The following MLYCD variants were observed in gnomAD, a reference collection of about 807,000 sequenced individuals.
The protein encoded by MLYCD is malonyl-CoA decarboxylase, mitochondrial.
A neutral mutation model predicts 35.8 loss-of-function variants in MLYCD; 27 were observed. The observed-to-expected ratio is 0.75, with a 90% CI of 0.56 to 1.04. The LOEUF is 1.04. Among genes scored for constraint, MLYCD ranks in the 50% least tolerant of loss-of-function variants. The pLI is 0.00. For synonymous variants in MLYCD, 403 were observed against 302.4 expected (o/e 1.33, Z -3.45); for missense variants, 917 against 665.1 (o/e 1.38, Z -4.17).
chr16:83,919,692 C>CAGAACACACGGGGCACAGG lies in MLYCD; in HGVS notation c.*4213_*4231dup, dbSNP rs1408093297. The CAGAACACACGGGGCACAGG allele has an allele frequency of 1.3e-5, 2 of 148,894 alleles. No homozygotes were observed. The highest frequency in any genetic ancestry group is 2.9e-5 in the Non-Finnish European group (2 of 68,018). 9.2% of individuals were successfully genotyped at this position (148,894 alleles called of 1,614,324 possible). A position where few individuals can be genotyped will look rare whatever the true frequency, so the allele number is the denominator to read the frequency against. The stretch of plus-strand genomic sequence containing the variant: ...GGTTCACAGGAGAACACACAGTGCA[C>CAGAACACACGGGGCACAGG]AGAACACACGGGGCACAGGAGAACA... On this transcript the variant is annotated 3_prime_UTR_variant, in exon 5 of 5. Coordinates refer to ENST00000262430, the MANE Select transcript of MLYCD (RefSeq NM_012213.3).
chr16:83,915,240 C>A lies in MLYCD; in HGVS notation c.1233C>A (p.His411Gln). 1 of 1,613,268 alleles carries A rather than the reference C, an allele frequency of 6.2e-7. No homozygotes were observed. The highest frequency in any genetic ancestry group is 8.5e-7 in the Non-Finnish European group (1 of 1,179,278). Reference sequence around the variant, plus strand: ...CCTGGTACCTGTATGGAGAGAAGCACCGCGGCTACGCGCTGAACCCCGTGG... The same window carrying A: ...CCTGGTACCTGTATGGAGAGAAGCAACGCGGCTACGCGCTGAACCCCGTGG... ...LCAWYLYGEKHRGYALNPVAN... is the reference protein window; with the variant it reads ...LCAWYLYGEKQRGYALNPVAN... Residue 411 changes from histidine to glutamine, a missense_variant, in exon 5 of 5, where the codon CAC (histidine) becomes CAA (glutamine). By Grantham distance (24) the His-to-Gln change is conservative. Coordinates refer to ENST00000262430, the MANE Select transcript of MLYCD (RefSeq NM_012213.3).
chr16:83,917,832 G>T lies in MLYCD; in HGVS notation c.*2343G>T, dbSNP rs778576940. ...TGCCATGGACAGATCACCCATTCTC[G>T]ATCACTCCGGCAGCCTTTCGGATCC... On this transcript the variant is annotated 3_prime_UTR_variant, in exon 5 of 5. Transcript: ENST00000262430. 2.6e-5 allele frequency: 4 copies of T among 152,226 alleles called. No homozygotes were observed. Among genetic ancestry groups the T allele is most frequent in the Non-Finnish European group, 5.9e-5 (4 of 68,054 alleles). 9.4% of individuals were successfully genotyped at this position (152,226 alleles called of 1,614,324 possible).
rs1907207284 is a variant in MLYCD, at chr16:83,912,284, T to C, written c.865T>C (p.Tyr289His). ...GAACAAAATCACTGCTGCGATCTTT[T>C]ATTCCATCAGCTTGACCCAGCAGGG... is the stretch of plus-strand genomic sequence containing the variant. The part of the protein sequence containing the change: ...EKNKITAAIF[Y>H]SISLTQQGLQ... The change falls in exon 4 of 5, where the codon TAT becomes CAT. Residue 289 changes from tyrosine to histidine, a missense_variant. Tyr to His is a moderately conservative substitution (Grantham distance 83). Coordinates refer to ENST00000262430, the MANE Select transcript of MLYCD (RefSeq NM_012213.3). 6.2e-7 allele frequency: 1 copy of C among 1,614,086 alleles called. No homozygotes were observed. The highest frequency in any genetic ancestry group is 8.5e-7 in the Non-Finnish European group (1 of 1,180,038).
rs1222338384 is a variant in MLYCD, at chr16:83,908,162, C to T, written c.678C>T (p.Asp226=). Residue 226 remains aspartate, a synonymous_variant, in exon 3 of 5, where the codon GAC becomes GAT. Transcript: ENST00000262430. ...TGCATCCTGTAAAAAACTGGATGGACATGAAGCGCCGCGTTGGGCCCTACA... is the reference window on the plus strand; with the variant it reads ...TGCATCCTGTAAAAAACTGGATGGATATGAAGCGCCGCGTTGGGCCCTACA... The part of the protein sequence containing the change: ...EAVHPVKNWM[D]MKRRVGPYRR... 3 of 1,614,224 alleles carry T rather than the reference C, an allele frequency of 1.9e-6. No individual in the cohort carries two copies. The highest frequency in any genetic ancestry group is 2.5e-6 in the Non-Finnish European group (3 of 1,180,036).
In MLYCD at chr16:83,920,333, C is replaced by G. The variant is rs1907610006; in HGVS notation, c.*4844C>G. ...CTTTTTGGGCAGCTAGCAGCTTTGA[C>G]TAGCAGCTCATCTCACCAGGCTGAG... is the stretch of plus-strand genomic sequence containing the variant. On this transcript the variant is annotated 3_prime_UTR_variant, in exon 5 of 5. Transcript: ENST00000262430. The G allele has an allele frequency of 6.6e-6, 1 of 152,228 alleles. No individual in the cohort carries two copies. Among genetic ancestry groups the G allele is most frequent in the Non-Finnish European group, 1.5e-5 (1 of 68,040 alleles). The allele number at this position is 152,228 out of a possible 1,614,324, so 9.4% of individuals were successfully genotyped here.
At chr16:83,906,241 A>T (rs1290626014) in intron 1 of MLYCD, among the ~76,000 whole-genome samples, 1 of 151,750 alleles carries the variant, frequency 6.6e-6, no homozygotes, top group Non-Finnish European at 1.5e-5. Context: ...ACAAAAAAAA[A>T]TTATCCAGGC....
intron 3 of MLYCD, among the ~76,000 whole-genome samples, chr16:83,910,042 C>G (rs1458738433): frequency 1.3e-5 from 2 of 152,114 alleles, no homozygotes; most frequent in African/African-American, 4.8e-5. Context: ...CAGCTCGCAT[C>G]CTGACTCTAA....
chr16:83,908,063 G>T (rs959725123), intron 2 of MLYCD, 63 bp from the exon 3 acceptor site: 10 of 1,592,112 alleles, frequency 6.3e-6, no homozygotes, highest in Non-Finnish European at 8.6e-6. Context: ...GTATGAATAG[G>T]AGTCAGCAGC....
rs1907679009 is a variant in MLYCD at position 83,922,236 on chromosome 16, C to T, written c.*6747C>T. ...TTCCGGAGCCCGCGTCCCGTCCCAT[C>T]TCAGGAGCTACTCTGCTCCATTCCC... is the stretch of plus-strand genomic sequence containing the variant. On this transcript the variant is annotated 3_prime_UTR_variant, in exon 5 of 5. Coordinates refer to ENST00000262430, the MANE Select transcript of MLYCD (RefSeq NM_012213.3). 1 of 152,132 alleles carries T rather than the reference C, an allele frequency of 6.6e-6. No individual in the cohort carries two copies. 9.4% of individuals were successfully genotyped at this position (152,132 alleles called of 1,614,324 possible).
In MLYCD at chr16:83,922,473, C is replaced by G. The variant is rs374567768; in HGVS notation, c.*6984C>G. The G allele has an allele frequency of 2.6e-5, 4 of 152,286 alleles. No homozygotes were observed. Among genetic ancestry groups the G allele is most frequent in the African/African-American group, 7.2e-5 (3 of 41,462 alleles). 9.4% of individuals were successfully genotyped at this position (152,286 alleles called of 1,614,324 possible). A position where few individuals can be genotyped will look rare whatever the true frequency, so the allele number is the denominator to read the frequency against. ...ATGGGCTCCTTTTTCTTCTGAAATGCAGCGTGAGGCACCATGGAGGGAGCT... is the reference window on the plus strand; with the variant it reads ...ATGGGCTCCTTTTTCTTCTGAAATGGAGCGTGAGGCACCATGGAGGGAGCT... On this transcript the variant is annotated 3_prime_UTR_variant, in exon 5 of 5. Coordinates refer to ENST00000262430, the MANE Select transcript of MLYCD (RefSeq NM_012213.3).
intron 1 of MLYCD, among the ~76,000 whole-genome samples, chr16:83,900,724 G>A (rs1441426680): frequency 2.1e-5 from 3 of 144,006 alleles, no homozygotes; most frequent in Non-Finnish European, 4.5e-5. Flanking sequence ...TGCAGTTGGT[G>A]TTAAAAAAAA....
chr16:83,903,655 A>G (rs1056642939), intron 1 of MLYCD, among the ~76,000 whole-genome samples: 3 of 152,192 alleles, frequency 2.0e-5, no homozygotes, highest in African/African-American at 7.2e-5. Context: ...ACAATACACA[A>G]TACACAGAGC....
At chr16:83,913,284 C>G (rs1420756883) in intron 4 of MLYCD, 1 of 152,240 alleles carries the variant, frequency 6.6e-6, no homozygotes, top group African/African-American at 2.4e-5. Context: ...TAGCTCATTC[C>G]CACAGTTTCC....
At position 83,914,994 on chromosome 16, in the gene MLYCD, A is replaced by G. The variant is rs752788706; in HGVS notation, c.987A>G (p.Ser329=). ...FPHLGVFSSL[S]PIPGFTKWLL... ...ACCTTGGGGTGTTTTCAAGTCTGTC[A>G]CCTATACCTGGTTTCACCAAATGGC... The change falls in exon 5 of 5, where the codon TCA becomes TCG. Residue 329 remains serine, a synonymous_variant. Coordinates refer to ENST00000262430, the MANE Select transcript of MLYCD (RefSeq NM_012213.3). 6.2e-7 allele frequency: 1 copy of G among 1,614,156 alleles called. No individual in the cohort carries two copies. Among genetic ancestry groups the G allele is most frequent in the South Asian group, 1.1e-5 (1 of 91,080 alleles).
At chr16:83,906,649 T>C (rs1270070355) in intron 1 of MLYCD, among the ~76,000 whole-genome samples, 1 of 152,226 alleles carries the variant, frequency 6.6e-6, no homozygotes, top group Non-Finnish European at 1.5e-5. Context: ...TTCATTGTTA[T>C]GTTGATTTTA....
chr16:83,926,799 C>G lies in MLYCD; in HGVS notation c.*11310C>G, dbSNP rs1907821437. The G allele has an allele frequency of 1.3e-5, 2 of 152,234 alleles. No homozygotes were observed. The highest frequency in any genetic ancestry group is 2.9e-5 in the Non-Finnish European group (2 of 68,060). The allele number at this position is 152,234 out of a possible 1,614,324, so 9.4% of individuals were successfully genotyped here. A position where few individuals can be genotyped will look rare whatever the true frequency, so the allele number is the denominator to read the frequency against. On this transcript the variant is annotated 3_prime_UTR_variant, in exon 5 of 5. Transcript: ENST00000262430. ...GTCTCTGGGACAGATGGATCCCAGT[C>G]TGGGTCCTCGCAAGCGCTGTGCACC... is the stretch of plus-strand genomic sequence containing the variant.
chr16:83,909,510 TG>T (rs1907096758), intron 3 of MLYCD, among the ~76,000 whole-genome samples: 1 of 152,188 alleles, frequency 6.6e-6, no homozygotes. Flanking sequence ...TGTGGTCTTA[TG>T]AATAATATTA....
At position 83,924,507 on chromosome 16, in the gene MLYCD, G is replaced by A. The variant is rs901923220; in HGVS notation, c.*9018G>A. 1.3e-5 allele frequency: 2 copies of A among 152,274 alleles called. No homozygotes were observed. Among genetic ancestry groups the A allele is most frequent in the Middle Eastern group, 3.4e-3 (1 of 294 alleles). The allele number at this position is 152,274 out of a possible 1,614,324, so 9.4% of individuals were successfully genotyped here. A position where few individuals can be genotyped will look rare whatever the true frequency, so the allele number is the denominator to read the frequency against. ...CTCTCACGTCTGTTGCCGTAAATCT[G>A]TCTCCATCGCCTGGCACATAGGAGA... On this transcript the variant is annotated 3_prime_UTR_variant, in exon 5 of 5. Coordinates refer to ENST00000262430, the MANE Select transcript of MLYCD (RefSeq NM_012213.3).
At position 83,907,177 on chromosome 16, in the gene MLYCD, C is replaced by G. The variant is rs548465720; in HGVS notation, c.641+78C>G. On this transcript the variant is annotated intron_variant, in intron 2 of 4. Coordinates refer to ENST00000262430, the MANE Select transcript of MLYCD (RefSeq NM_012213.3). ...GTGTATGTTTTATATTGGCTAAAAGCTAATCTATCTCCATTCATATGTACA... is the reference window on the plus strand; with the variant it reads ...GTGTATGTTTTATATTGGCTAAAAGGTAATCTATCTCCATTCATATGTACA... The G allele has an allele frequency of 4.2e-5, 51 of 1,215,810 alleles. No individual in the cohort carries two copies. In the African/African-American group the frequency reaches 4.2e-4, roughly 10 times the overall value. The allele number at this position is 1,215,810 out of a possible 1,614,324, so 75.3% of individuals were successfully genotyped here.
Sources: allele counts gnomAD v4.1 joint callset (sites outside exome capture counted in the v4.1 genomes callset), GRCh38; gene constraint gnomAD v4.1.1; transcripts MANE v1.5; gene names NCBI Gene and HGNC (gene_info 2026-07-23, HGNC 2026-07-21).